MRPS18A: variants seen among roughly 807,000 people sequenced by gnomAD.
MRPS18A encodes large ribosomal subunit protein mL66.
A neutral mutation model predicts 22.7 loss-of-function variants in MRPS18A; 20 were observed. The observed-to-expected ratio is 0.88, with a 90% confidence interval of 0.62 to 1.28. The LOEUF is 1.28. MRPS18A is among the 50% of genes most tolerant of loss of function. The pLI, the probability that MRPS18A is intolerant of heterozygous loss-of-function variation, is 0.00. For synonymous variants in MRPS18A, 106 were observed against 99.1 expected, an observed-to-expected ratio of 1.07 and a Z score of -0.41; for missense variants, 294 against 262.6, an observed-to-expected ratio of 1.12 and a Z score of -0.83.
intron 1 of MRPS18A, among the ~76,000 whole-genome samples, chr6:43,685,436 A>G (rs1582414514): frequency 6.6e-6 from 1 of 152,158 alleles, no homozygotes; most frequent in Non-Finnish European, 1.5e-5. Flanking sequence ...TGACTTGTGC[A>G]TTATGTTTAG....
chr6:43,681,832 G>T (rs1243481501), intron 1 of MRPS18A, among the ~76,000 whole-genome samples: 1 of 152,230 alleles, frequency 6.6e-6, no homozygotes, highest in Admixed American at 6.5e-5. Context: ...GCCTATTTAG[G>T]TGAGGCAGTC....
At chr6:43,686,428 C>G (rs73430413) in intron 1 of MRPS18A, among the ~76,000 whole-genome samples, 5,806 of 152,228 alleles carry the variant, frequency 0.038, 366 homozygotes, top group African/African-American at 0.13. Flanking sequence ...AATATCCAGA[C>G]TTTTTTTTCT....
intron 2 of MRPS18A, among the ~76,000 whole-genome samples, chr6:43,680,480 C>T (rs72859043): frequency 0.029 from 4,389 of 152,254 alleles, 85 homozygotes; most frequent in Non-Finnish European, 0.047. Context: ...GTGAAAACAG[C>T]GTTGTTGTCT....
At chr6:43,678,670 G>A (rs373875970) in intron 2 of MRPS18A, 45 bp from the exon 3 acceptor site, 22 of 1,360,106 alleles carry the variant, frequency 1.6e-5, no homozygotes, top group Middle Eastern at 3.6e-4. Flanking sequence ...CAGGACCTGC[G>A]TGGAGCCACA....
At chr6:43,687,020 T>C (rs1774742238) in intron 1 of MRPS18A, among the ~76,000 whole-genome samples, 1 of 152,370 alleles carries the variant, frequency 6.6e-6, no homozygotes, top group East Asian at 1.9e-4. Context: ...GGCTGTATTT[T>C]CTGTCTCCAG....
intron 1 of MRPS18A, among the ~76,000 whole-genome samples, chr6:43,682,631 A>G (rs935209654): frequency 2.0e-5 from 3 of 152,232 alleles, no homozygotes; most frequent in Admixed American, 1.3e-4. Context: ...TTTTCCATGT[A>G]AAAGAAAATG....
chr6:43,683,665 T>A (rs1196333010), intron 1 of MRPS18A, among the ~76,000 whole-genome samples: 1 of 152,156 alleles, frequency 6.6e-6, no homozygotes, highest in Non-Finnish European at 1.5e-5. Flanking sequence ...ATGAAGCAGT[T>A]TTCTAAACTG....
At chr6:43,671,950 C>T (rs1456468282) in intron 5 of MRPS18A, 44 bp from the exon 6 acceptor site, 1 of 1,533,886 alleles carries the variant, frequency 6.5e-7, no homozygotes, top group Non-Finnish European at 8.8e-7. Context: ...GCTGGGGGCC[C>T]AAGCTGGACG....
chr6:43,681,727 T>C (rs1774425418), intron 1 of MRPS18A, among the ~76,000 whole-genome samples: 1 of 152,212 alleles, frequency 6.6e-6, no homozygotes, highest in African/African-American at 2.4e-5. Context: ...AGAGTGTTGA[T>C]GGATGCGGTA....
chr6:43,684,767 A>G (rs1774598448), intron 1 of MRPS18A, among the ~76,000 whole-genome samples: 1 of 152,232 alleles, frequency 6.6e-6, no homozygotes, highest in Admixed American at 6.5e-5. Context: ...ACTGTGAAAG[A>G]GATGAAGCAA....
chr6:43,672,117 G>A lies in MRPS18A; in HGVS notation c.447-211C>T, dbSNP rs76961401. On this transcript the variant is annotated intron_variant, in intron 5 of 5. Transcript: ENST00000372133. ...TGGGCTCTTGCTGCCGCAAGCCTGT[G>A]TGGCCAGGTTCAGGCAGCCCAGGGC... is the stretch of plus-strand genomic sequence containing the variant. 215 of 626,012 alleles carry A rather than the reference G, an allele frequency of 3.4e-4. 1 individual carries two copies. The African/African-American group carries it at 3.6e-3, about 10-fold the overall frequency. The allele number at this position is 626,012 out of a possible 1,614,324, so 38.8% of individuals were successfully genotyped here. A position where few individuals can be genotyped will look rare whatever the true frequency, so the allele number is the denominator to read the frequency against.
chr6:43,685,315 TA>T (rs1386262311), intron 1 of MRPS18A, among the ~76,000 whole-genome samples: 5 of 152,242 alleles, frequency 3.3e-5, no homozygotes, highest in Admixed American at 2.6e-4. Flanking sequence ...GCTTTTCCCA[TA>T]ATAACCTTTT....
Position 43,671,629 on chromosome 6 carries a change from G to T in MRPS18A, c.*133C>A. On this transcript the variant is annotated 3_prime_UTR_variant, in exon 6 of 6. Coordinates refer to ENST00000372133, the MANE Select transcript of MRPS18A (RefSeq NM_018135.4). The stretch of plus-strand genomic sequence containing the variant: ...ACTGAAGTTAGTCCCACTGTCCCCT[G>T]TCCATGCATGTTGGAGGGACCAGGC... 1 of 1,039,086 alleles carries T rather than the reference G, an allele frequency of 9.6e-7. No homozygotes were observed. The highest frequency in any genetic ancestry group is 1.4e-6 in the Non-Finnish European group (1 of 691,810). 64.4% of individuals were successfully genotyped at this position (1,039,086 alleles called of 1,614,324 possible). A position where few individuals can be genotyped will look rare whatever the true frequency, so the allele number is the denominator to read the frequency against.
intron 5 of MRPS18A, 90 bp from the exon 6 acceptor site, chr6:43,671,996 A>G: frequency 7.1e-7 from 1 of 1,399,564 alleles, no homozygotes; most frequent in Non-Finnish European, 9.5e-7. Flanking sequence ...AGGCCAGGCC[A>G]CGGTTGGGCA....
At chr6:43,680,985 C>T (rs575700630) in intron 2 of MRPS18A, 104 bp downstream of exon 2, 40 of 1,040,350 alleles carry the variant, frequency 3.8e-5, no homozygotes, top group Non-Finnish European at 5.2e-5. Flanking sequence ...GGGAGCTGAT[C>T]CTGGAGCTGG....
intron 3 of MRPS18A, among the ~76,000 whole-genome samples, chr6:43,676,504 G>A (rs1283855347): frequency 6.6e-6 from 1 of 152,078 alleles, no homozygotes; most frequent in Non-Finnish European, 1.5e-5. Flanking sequence ...GGCCTCCTTC[G>A]GACCATCACA....
chr6:43,680,078 A>G (rs1774303211), intron 2 of MRPS18A, among the ~76,000 whole-genome samples: 1 of 152,200 alleles, frequency 6.6e-6, no homozygotes, highest in Non-Finnish European at 1.5e-5. Context: ...ATAGGCCACA[A>G]TGCCTCCACA....
intron 3 of MRPS18A, 24 bp downstream of exon 3, chr6:43,678,494 G>C: frequency 1.3e-6 from 2 of 1,525,432 alleles, no homozygotes; most frequent in Non-Finnish European, 1.8e-6. Context: ...ACACAGAACC[G>C]AGTGTCTCTG....
At chr6:43,682,918 CA>C (rs1186538064) in intron 1 of MRPS18A, among the ~76,000 whole-genome samples, 15 of 152,174 alleles carry the variant, frequency 9.9e-5, no homozygotes, top group Admixed American at 5.9e-4. Flanking sequence ...CTAATCTGAG[CA>C]ACAAGTAGTG....
Sources: allele counts gnomAD v4.1 joint callset (sites outside exome capture counted in the v4.1 genomes callset), GRCh38; gene constraint gnomAD v4.1.1; transcripts MANE v1.5; gene names NCBI Gene and HGNC (gene_info 2026-07-23, HGNC 2026-07-21).